Variants in TOMM70 observed in about 807,000 individuals in gnomAD.
The protein encoded by TOMM70 is mitochondrial import receptor subunit TOM70.
Under a neutral mutation model 73.6 loss-of-function variants are expected in TOMM70, and 13 were observed. The observed-to-expected ratio is 0.18, with a 90% CI of 0.11 to 0.28. The LOEUF (loss-of-function observed/expected upper bound fraction) is 0.28. Among genes scored for constraint, TOMM70 ranks in the 10% least tolerant of loss-of-function variants. The pLI, the probability that TOMM70 is intolerant of heterozygous loss-of-function variation, is 1.00. For missense variants in TOMM70, 609 were observed against 747.5 expected (o/e 0.81, Z 2.16); for synonymous variants, 257 against 271.2 (o/e 0.95, Z 0.51).
chr3:100,369,960 A>G (rs1706490363), intron 9 of TOMM70, among the ~76,000 whole-genome samples: 1 of 152,218 alleles, frequency 6.6e-6, no homozygotes, highest in Non-Finnish European at 1.5e-5. Flanking sequence ...AATATTATCT[A>G]TAATACCTAG....
chr3:100,400,472 C>G (rs1272434349), intron 1 of TOMM70, among the ~76,000 whole-genome samples, 154 bp downstream of exon 1: 1 of 152,232 alleles, frequency 6.6e-6, no homozygotes, highest in African/African-American at 2.4e-5. Context: ...TCTATGCCCT[C>G]CACTGGCAGC....
intron 1 of TOMM70, among the ~76,000 whole-genome samples, chr3:100,400,263 AGTTC>A (rs757608749): frequency 3.9e-5 from 6 of 152,208 alleles, no homozygotes; most frequent in Non-Finnish European, 5.9e-5. Context: ...TCACAGAAAC[AGTTC>A]GTATCACGAT....
In TOMM70 at chr3:100,386,818, G is replaced by C; in HGVS notation, c.485C>G (p.Ala162Gly). Reference protein sequence around the residue: ...LSTFYQNRAAAFEQLQKWKEV... With the variant: ...LSTFYQNRAAGFEQLQKWKEV... ...TAGAGTACATACCAACTGTTCAAAG[G>C]CAGCAGCTCTGTTTTGATAAAATGT... The change falls in exon 2 of 12, where the codon GCC becomes GGC. Residue 162 changes from alanine (A) to glycine (G), a missense_variant. Physicochemically the swap from Ala to Gly is moderately conservative, Grantham distance 60 (BLOSUM62 0). This residue lies in a region of TOMM70 where 432 missense variants were observed against 584.1 expected (regional missense o/e 0.74). Coordinates refer to ENST00000284320, the MANE Select transcript of TOMM70 (RefSeq NM_014820.5). 6.2e-7 allele frequency: 1 copy of C among 1,613,936 alleles called. No individual in the cohort carries two copies. The highest frequency in any genetic ancestry group is 8.5e-7 in the Non-Finnish European group (1 of 1,179,978).
intron 5 of TOMM70, among the ~76,000 whole-genome samples, chr3:100,379,106 C>G (rs1706601151): frequency 6.6e-6 from 1 of 151,894 alleles, no homozygotes; most frequent in Non-Finnish European, 1.5e-5. Flanking sequence ...TAAAAAACAC[C>G]CTTCTGTATG....
chr3:100,385,800 T>G (rs1439739191), intron 3 of TOMM70, among the ~76,000 whole-genome samples: 2 of 152,224 alleles, frequency 1.3e-5, no homozygotes, highest in Non-Finnish European at 2.9e-5. Context: ...AAACAATGTT[T>G]TCTTTAATGA....
At chr3:100,399,929 C>A (rs1482168212) in intron 1 of TOMM70, among the ~76,000 whole-genome samples, 3 of 151,914 alleles carry the variant, frequency 2.0e-5, no homozygotes, top group African/African-American at 7.3e-5. Context: ...TGGGGCATGG[C>A]AGGAGAGGTT....
At chr3:100,383,374 T>C (rs564759188) in intron 4 of TOMM70, among the ~76,000 whole-genome samples, 1 of 151,938 alleles carries the variant, frequency 6.6e-6, no homozygotes, top group East Asian at 1.9e-4. Flanking sequence ...TACAAAAAAA[T>C]TAGCCAGGCA....
intron 4 of TOMM70, among the ~76,000 whole-genome samples, chr3:100,383,828 T>A (rs1456992647): frequency 2.0e-5 from 3 of 152,196 alleles, no homozygotes; most frequent in East Asian, 3.8e-4. Context: ...TTTACTTACA[T>A]CTCACCTTGG....
chr3:100,389,977 T>C (rs1337468765), intron 1 of TOMM70, among the ~76,000 whole-genome samples: 1 of 150,500 alleles, frequency 6.6e-6, no homozygotes, highest in Non-Finnish European at 1.5e-5. Context: ...GAGGCGGAGG[T>C]TGCAGTGAGC....
intron 7 of TOMM70, 90 bp downstream of exon 7, chr3:100,374,927 GA>G (rs1245655732): frequency 7.2e-7 from 1 of 1,386,740 alleles, no homozygotes; most frequent in Non-Finnish European, 9.5e-7. Flanking sequence ...AATTATATAA[GA>G]AAACTCAAGA....
At chr3:100,380,531 A>G (rs1706621446) in intron 5 of TOMM70, among the ~76,000 whole-genome samples, 2 of 152,202 alleles carry the variant, frequency 1.3e-5, no homozygotes, top group Admixed American at 1.3e-4. Flanking sequence ...GTAAAATGGA[A>G]TTTAAAACTT....
At position 100,372,465 on chromosome 3, in the gene TOMM70, C is replaced by T. The variant is rs1438213367; in HGVS notation, c.1452+141G>A. ...TCTTCTGAGGTGATTCGGGACCAAC[C>T]AGGGGCCATGAGAATCAATCAGGAA... On this transcript the variant is annotated intron_variant, in intron 9 of 11. Transcript: ENST00000284320. 61 of 642,840 alleles carry T rather than the reference C, an allele frequency of 9.5e-5. No individual in the cohort carries two copies. In the South Asian group the frequency reaches 1.4e-3, roughly 15 times the overall value. The allele number at this position is 642,840 out of a possible 1,614,324, so 39.8% of individuals were successfully genotyped here. A position where few individuals can be genotyped will look rare whatever the true frequency, so the allele number is the denominator to read the frequency against.
chr3:100,395,999 T>C (rs186107973), intron 1 of TOMM70, among the ~76,000 whole-genome samples: 228 of 146,814 alleles, frequency 1.6e-3, no homozygotes, highest in Non-Finnish European at 2.7e-3. Flanking sequence ...TAAGAATCCA[T>C]GAGGCTGGTA....
At position 100,378,111 on chromosome 3, in the gene TOMM70, G is replaced by A. The variant is rs368795945; in HGVS notation, c.885-199C>T. ...ATACAAAAATTAGCCGGGCGTGGAGGCGCATGCCTGTATCCCAGATACTTA... is the reference window on the plus strand; with the variant it reads ...ATACAAAAATTAGCCGGGCGTGGAGACGCATGCCTGTATCCCAGATACTTA... On this transcript the variant is annotated intron_variant, in intron 5 of 11. Coordinates refer to ENST00000284320, the MANE Select transcript of TOMM70 (RefSeq NM_014820.5). 5.3e-5 allele frequency among the ~76,000 whole-genome samples: 8 copies of A among 152,112 alleles called. No homozygotes were observed. The East Asian group carries it at 1.4e-3, about 26-fold the overall frequency.
At chr3:100,398,297 C>A (rs185593372) in intron 1 of TOMM70, among the ~76,000 whole-genome samples, 11 of 149,320 alleles carry the variant, frequency 7.4e-5, no homozygotes, top group Admixed American at 2.7e-4. Context: ...GGCAGGAGAA[C>A]TGCTTGAACT....
Position 100,375,044 on chromosome 3 carries a change from C to T in TOMM70, c.1201G>A (p.Ala401Thr). Residue 401 changes from alanine (A) to threonine (T), a missense_variant, in exon 7 of 12, where the codon GCA becomes ACA. Coordinates refer to ENST00000284320, the MANE Select transcript of TOMM70 (RefSeq NM_014820.5). Reference sequence around the variant, plus strand: ...TGTCCTCGGTGGTGATAAACATCTGCATTCTGAGGATCGATGTCAGCAGCC... The same window carrying T: ...TGTCCTCGGTGGTGATAAACATCTGTATTCTGAGGATCGATGTCAGCAGCC... ...NMAADIDPQN[A>T]DVYHHRGQLK... 1 of 1,608,316 alleles carries T rather than the reference C, an allele frequency of 6.2e-7. No individual in the cohort carries two copies. The highest frequency in any genetic ancestry group is 8.5e-7 in the Non-Finnish European group (1 of 1,177,790).
chr3:100,383,205 G>A (rs1429973523), intron 4 of TOMM70, among the ~76,000 whole-genome samples: 2 of 151,876 alleles, frequency 1.3e-5, no homozygotes, highest in Admixed American at 1.3e-4. Context: ...CGAGATGCTC[G>A]AGAGAAAAAA....
At chr3:100,367,060 A>C (rs954780876) in intron 11 of TOMM70, among the ~76,000 whole-genome samples, 3 of 152,306 alleles carry the variant, frequency 2.0e-5, no homozygotes, top group Middle Eastern at 3.4e-3. Flanking sequence ...TCTCTGCTAC[A>C]AATACAAAAA....
chr3:100,368,796 G>C (rs114942424), intron 10 of TOMM70, among the ~76,000 whole-genome samples: 1 of 152,088 alleles, frequency 6.6e-6, no homozygotes, highest in Non-Finnish European at 1.5e-5. Context: ...GGAGGGTTTC[G>C]AACTCCCAAC....
Sources: allele counts gnomAD v4.1 joint callset (sites outside exome capture counted in the v4.1 genomes callset), GRCh38; gene constraint gnomAD v4.1.1; regional missense constraint gnomAD v4.1.1; transcripts MANE v1.5; gene names NCBI Gene and HGNC (gene_info 2026-07-23, HGNC 2026-07-21).